The following DLGAP4 variants were observed in gnomAD, a reference collection of about 807,000 sequenced individuals.
The protein encoded by DLGAP4 is disks large-associated protein 4.
A neutral mutation model predicts 86.9 loss-of-function variants in DLGAP4; 18 were observed. The observed-to-expected ratio is 0.21, with a 90% CI of 0.14 to 0.31. DLGAP4 has a LOEUF of 0.31. DLGAP4 is among the 10% of genes least tolerant of loss of function. The probability of loss-of-function intolerance (pLI) is 1.00; values close to 1 mark genes in which losing one functional copy is unlikely to be tolerated. For missense variants in DLGAP4, 1,085 were observed against 1,362.6 expected (o/e 0.80, Z 3.21); for synonymous variants, 548 against 574.3 (o/e 0.95, Z 0.65).
chr20:36,477,544 C>T (rs1220279724), intron 7 of DLGAP4, among the ~76,000 whole-genome samples: 1 of 152,200 alleles, frequency 6.6e-6, no homozygotes, highest in Admixed American at 6.5e-5. Flanking sequence ...AGCCTGGCCA[C>T]TGCCCCCTAT....
intron 7 of DLGAP4, among the ~76,000 whole-genome samples, chr20:36,489,661 G>C (rs2035572327): frequency 6.6e-6 from 1 of 151,834 alleles, no homozygotes; most frequent in Non-Finnish European, 1.5e-5. Flanking sequence ...CAAGAGGTCG[G>C]AAGGCCAGGG....
chr20:36,442,280 C>T (rs1235525869), intron 5 of DLGAP4, among the ~76,000 whole-genome samples: 4 of 152,170 alleles, frequency 2.6e-5, no homozygotes, highest in African/African-American at 7.2e-5. Flanking sequence ...CTGCAACCTC[C>T]GCCTCACGGG....
intron 11 of DLGAP4, 185 bp from the exon 12 acceptor site, chr20:36,525,666 C>G: frequency 1.4e-6 from 1 of 733,814 alleles, no homozygotes; most frequent in South Asian, 1.9e-5. Context: ...AGATCCCCAC[C>G]ACTAGGGCTG....
intron 2 of DLGAP4, among the ~76,000 whole-genome samples, chr20:36,401,317 A>G (rs909477980): frequency 6.6e-6 from 1 of 152,192 alleles, no homozygotes; most frequent in Non-Finnish European, 1.5e-5. Flanking sequence ...TTCCATTCCA[A>G]GCAGTCCCGG....
chr20:36,349,742 G>C (rs78976008), intron 1 of DLGAP4, among the ~76,000 whole-genome samples: 1 of 152,134 alleles, frequency 6.6e-6, no homozygotes, highest in East Asian at 1.9e-4. Context: ...TGATTTGCCC[G>C]GGGCAGTTCT....
intron 7 of DLGAP4, among the ~76,000 whole-genome samples, chr20:36,467,064 C>CTCTCTCTCTCTCTCTCCCCCTCTCT (rs1555907464): frequency 1.7e-5 from 2 of 118,140 alleles, no homozygotes; most frequent in African/African-American, 9.7e-5. Flanking sequence ...CTCTCTCTCT[C>CTCTCTCTCTCTCTCTCCCCCTCTCT]CCCCCCCCTT....
chr20:36,525,253 A>C (rs1292143551), intron 11 of DLGAP4, among the ~76,000 whole-genome samples: 1 of 59,546 alleles, frequency 1.7e-5, no homozygotes, highest in Admixed American at 2.0e-4. Context: ...AAAAAAAAAA[A>C]ACAAAGAAAT....
At position 36,525,920 on chromosome 20, in the gene DLGAP4, A is replaced by G. The variant is rs759168823; in HGVS notation, c.2674A>G (p.Ile892Val). The G allele has an allele frequency of 1.2e-5, 19 of 1,613,834 alleles. No individual in the cohort carries two copies. Among genetic ancestry groups the G allele is most frequent in the Non-Finnish European group, 1.6e-5 (19 of 1,179,948 alleles). Residue 892 changes from isoleucine (I) to valine (V), a missense_variant, in exon 12 of 13, where the codon ATC becomes GTC. By Grantham distance (29) the Ile-to-Val change is conservative. This residue lies in a region of DLGAP4 where 1,082 missense variants were observed against 1,344.1 expected (regional missense o/e 0.81). Coordinates refer to ENST00000339266, the MANE Select transcript of DLGAP4 (RefSeq NM_001365621.2). ...AGFWDLLQLS[I>V]EDISMKFDEL... is the part of the protein sequence containing the mutation. Reference sequence around the variant, plus strand: ...GTTCTGGGACCTGCTACAGCTGTCCATCGAGGATATCAGCATGAAGTTCGA... The same window carrying G: ...GTTCTGGGACCTGCTACAGCTGTCCGTCGAGGATATCAGCATGAAGTTCGA...
chr20:36,369,188 T>A (rs1156965451), intron 2 of DLGAP4, among the ~76,000 whole-genome samples: 2 of 152,158 alleles, frequency 1.3e-5, no homozygotes, highest in Admixed American at 6.5e-5. Flanking sequence ...TGGGATGAGG[T>A]GTCTCCAGGG....
intron 2 of DLGAP4, among the ~76,000 whole-genome samples, chr20:36,379,153 A>G (rs1414335805): frequency 6.6e-6 from 1 of 152,196 alleles, no homozygotes; most frequent in African/African-American, 2.4e-5. Context: ...TGTCCTCTCA[A>G]GCACACACTG....
At chr20:36,479,459 A>C (rs780512501) in intron 7 of DLGAP4, among the ~76,000 whole-genome samples, 3 of 152,028 alleles carry the variant, frequency 2.0e-5, no homozygotes, top group Admixed American at 2.0e-4. Flanking sequence ...AAAAGTAAAG[A>C]GGTTTGTAAA....
intron 1 of DLGAP4, among the ~76,000 whole-genome samples, chr20:36,323,349 C>T (rs1555890772): frequency 1.3e-5 from 2 of 152,170 alleles, no homozygotes; most frequent in Non-Finnish European, 2.9e-5. Context: ...ACATAAACAA[C>T]ATCATGCAGA....
At chr20:36,328,573 CT>C (rs1255656573) in intron 1 of DLGAP4, among the ~76,000 whole-genome samples, 3 of 151,612 alleles carry the variant, frequency 2.0e-5, no homozygotes, top group African/African-American at 7.3e-5. Context: ...GAATCCCCTG[CT>C]TTTGTAGGGC....
chr20:36,500,160 C>T lies in DLGAP4; in HGVS notation c.2100-39C>T, dbSNP rs766267798. ...GGTCTCTGGCCCTCTTGGTGACTCA[C>T]TCCTTCCTGTCCCCACCCCATCCAC... On this transcript the variant is annotated intron_variant, in intron 9 of 12. Transcript: ENST00000339266. The surrounding 1 kb of genome is among the most constrained non-coding windows in gnomAD (Gnocchi z 4.6). 2.7e-6 allele frequency: 4 copies of T among 1,504,322 alleles called. No individual in the cohort carries two copies. In the Admixed American group the frequency reaches 9.1e-5, roughly 34 times the overall value. The allele number at this position is 1,504,322 out of a possible 1,614,324, so 93.2% of individuals were successfully genotyped here. A position where few individuals can be genotyped will look rare whatever the true frequency, so the allele number is the denominator to read the frequency against.
chr20:36,510,966 A>G (rs1445568994), intron 10 of DLGAP4: 1 of 152,200 alleles, frequency 6.6e-6, no homozygotes, highest in Admixed American at 6.5e-5. Flanking sequence ...TTGTATCTTC[A>G]TTCTTCCAAT....
intron 1 of DLGAP4, among the ~76,000 whole-genome samples, chr20:36,333,237 A>G (rs1012377579): frequency 6.6e-6 from 1 of 151,910 alleles, no homozygotes; most frequent in African/African-American, 2.4e-5. Flanking sequence ...AGGGCAGCAT[A>G]CTCATCCTGC....
At chr20:36,487,911 CAGTT>C (rs1194964052) in intron 7 of DLGAP4, among the ~76,000 whole-genome samples, 1 of 152,104 alleles carries the variant, frequency 6.6e-6, no homozygotes, top group African/African-American at 2.4e-5. Context: ...ATGTAAAAGG[CAGTT>C]AGTGCGCCGG....
chr20:36,399,704 C>T (rs2032100117), intron 2 of DLGAP4, among the ~76,000 whole-genome samples: 1 of 152,198 alleles, frequency 6.6e-6, no homozygotes, highest in Non-Finnish European at 1.5e-5. Context: ...AGTTTCAGCT[C>T]ATGAGCTAAT....
chr20:36,479,326 G>T (rs1003653380), intron 7 of DLGAP4, among the ~76,000 whole-genome samples: 1 of 152,042 alleles, frequency 6.6e-6, no homozygotes, highest in African/African-American at 2.4e-5. Flanking sequence ...GAAATGAGAG[G>T]GTGGGGTTCT....
Sources: gnomAD v4.1 joint callset for allele counts (sites outside exome capture counted in the v4.1 genomes callset) on GRCh38, gnomAD v4.1.1 for gene constraint, gnomAD v4.1.1 regional missense constraint, Gnocchi (gnomAD v3.1) non-coding constraint, MANE v1.5 for transcripts, NCBI Gene and HGNC (gene_info 2026-07-23, HGNC 2026-07-21) for gene names.